The following TTC29 variants were observed in gnomAD, a reference collection of about 807,000 sequenced individuals.
The protein encoded by TTC29 is tetratricopeptide repeat domain 29, also known as tetratricopeptide repeat protein 29.
TTC29 carries 49 observed loss-of-function variants against 58.1 expected under a neutral mutation model. The observed-to-expected ratio is 0.84, with a 90% CI of 0.67 to 1.07. The LOEUF (loss-of-function observed/expected upper bound fraction) is 1.07, where lower values mean the gene tolerates loss of function less well. Ranked by LOEUF, TTC29 falls within the 50% of genes least tolerant of loss-of-function variation. The pLI, the probability that TTC29 is intolerant of heterozygous loss-of-function variation, is 0.00. For missense variants in TTC29, 582 were observed against 555.6 expected (o/e 1.05, Z -0.48); for synonymous variants, 209 against 196.8 (o/e 1.06, Z -0.52).
chr4:146,820,141 T>A lies in TTC29; in HGVS notation c.1085A>T (p.Asp362Val), dbSNP rs545235241. The change falls in exon 10 of 13, where the codon GAC becomes GTC. Residue 362 changes from aspartate to valine, a missense_variant. Coordinates refer to ENST00000325106, the MANE Select transcript of TTC29 (RefSeq NM_031956.4). Reference protein sequence around the residue: ...DLVRASTMLGDIYNEKGYYNK... With the variant: ...DLVRASTMLGVIYNEKGYYNK... ...TAGACTCACTTTTTCATTGTAGATG[T>A]CCCCAAGCATTGTACTTGCTCTCAC... 4 of 1,613,048 alleles carry A rather than the reference T, an allele frequency of 2.5e-6. No homozygotes were observed. Among genetic ancestry groups the A allele is most frequent in the East Asian group, 2.2e-5 (1 of 44,860 alleles).
intron 11 of TTC29, among the ~76,000 whole-genome samples, chr4:146,771,963 T>C (rs1358931460): frequency 1.3e-5 from 2 of 152,234 alleles, no homozygotes; most frequent in Non-Finnish European, 2.9e-5. Flanking sequence ...TGTGAGATGG[T>C]ATCTCATTGT....
intron 4 of TTC29, among the ~76,000 whole-genome samples, chr4:146,932,508 G>T (rs1267324797): frequency 6.6e-6 from 1 of 152,132 alleles, no homozygotes; most frequent in Non-Finnish European, 1.5e-5. Context: ...AAAGAATTAT[G>T]AAATATTGTA....
At chr4:146,809,803 T>C (rs1405609361) in intron 10 of TTC29, among the ~76,000 whole-genome samples, 2 of 149,932 alleles carry the variant, frequency 1.3e-5, no homozygotes, top group African/African-American at 4.9e-5. Flanking sequence ...GAAACGTTTT[T>C]ATCCGTTGGT....
chr4:146,897,041 C>T (rs1244579555), intron 6 of TTC29, among the ~76,000 whole-genome samples: 2 of 152,098 alleles, frequency 1.3e-5, no homozygotes, highest in South Asian at 2.1e-4. Context: ...TAGGAGGATG[C>T]TCTTTAGTCC....
intron 11 of TTC29, among the ~76,000 whole-genome samples, chr4:146,757,213 TG>T (rs1201529725): frequency 6.6e-6 from 1 of 151,996 alleles, no homozygotes. Flanking sequence ...TTTTTTTTTT[TG>T]TCCCAGGGGG....
intron 7 of TTC29, among the ~76,000 whole-genome samples, chr4:146,868,120 G>A (rs1730684472): frequency 6.6e-6 from 1 of 152,040 alleles, no homozygotes; most frequent in South Asian, 2.1e-4. Flanking sequence ...TTTTGATTAT[G>A]TTCTGTTTAA....
At position 146,815,336 on chromosome 4, in the gene TTC29, G is replaced by A. The variant is rs1056101844; in HGVS notation, c.1101+4789C>T. ...CTTTTGGATTGAATATGGAGCCGGG[G>A]GAGAGGAGAATTGAAGGATTTTCAG... On this transcript the variant is annotated intron_variant, in intron 10 of 12. Coordinates refer to ENST00000325106, the MANE Select transcript of TTC29 (RefSeq NM_031956.4). 9.2e-5 allele frequency among the ~76,000 whole-genome samples: 14 copies of A among 152,308 alleles called. 1 individual carries two copies. The highest frequency in any genetic ancestry group is 1.9e-4 in the Non-Finnish European group (13 of 68,024).
chr4:146,730,635 G>A (rs145146431), intron 11 of TTC29, among the ~76,000 whole-genome samples: 7 of 152,314 alleles, frequency 4.6e-5, no homozygotes, highest in African/African-American at 1.4e-4. Context: ...AGCCAGTATG[G>A]TATCCTGTAA....
intron 11 of TTC29, among the ~76,000 whole-genome samples, chr4:146,725,076 C>T (rs1478568789): frequency 6.6e-6 from 1 of 152,120 alleles, no homozygotes; most frequent in Non-Finnish European, 1.5e-5. Context: ...AAATAATCTG[C>T]CTCCTTCAAA....
At chr4:146,832,110 A>G (rs1475006926) in intron 9 of TTC29, among the ~76,000 whole-genome samples, 1 of 152,156 alleles carries the variant, frequency 6.6e-6, no homozygotes, top group Non-Finnish European at 1.5e-5. Flanking sequence ...TTTTGTAAAA[A>G]TTATTTTATA....
At chr4:146,792,511 A>C (rs1379678342) in intron 11 of TTC29, among the ~76,000 whole-genome samples, 1 of 152,150 alleles carries the variant, frequency 6.6e-6, no homozygotes, top group Non-Finnish European at 1.5e-5. Context: ...GATTGCTCTG[A>C]TAGAAATGTA....
chr4:146,940,007 C>A (rs1736224479), intron 2 of TTC29, 106 bp from the exon 3 acceptor site: 2 of 1,107,010 alleles, frequency 1.8e-6, no homozygotes, highest in South Asian at 1.7e-5. Context: ...GTTGAGAATG[C>A]CTATGTGTAG....
At chr4:146,935,682 C>T (rs1735752240) in intron 4 of TTC29, among the ~76,000 whole-genome samples, 1 of 152,282 alleles carries the variant, frequency 6.6e-6, no homozygotes, top group Non-Finnish European at 1.5e-5. Context: ...CTTATTGTCT[C>T]AAATAGATGT....
At chr4:146,769,939 A>C (rs145611646) in intron 11 of TTC29, among the ~76,000 whole-genome samples, 2 of 152,152 alleles carry the variant, frequency 1.3e-5, no homozygotes, top group East Asian at 3.9e-4. Context: ...AACTCCCCTT[A>C]AGTAGGCAGG....
At chr4:146,781,582 T>C (rs1294215193) in intron 11 of TTC29, among the ~76,000 whole-genome samples, 1 of 151,980 alleles carries the variant, frequency 6.6e-6, no homozygotes, top group Admixed American at 6.6e-5. Flanking sequence ...AAATGTATTA[T>C]GAAATATTTA....
chr4:146,806,742 T>C (rs549963948), intron 10 of TTC29, among the ~76,000 whole-genome samples: 3 of 152,252 alleles, frequency 2.0e-5, no homozygotes, highest in African/African-American at 7.2e-5. Flanking sequence ...ATAAGGCAAG[T>C]TCTTAGAGAC....
intron 4 of TTC29, among the ~76,000 whole-genome samples, chr4:146,916,104 G>A (rs559282173): frequency 6.6e-6 from 1 of 151,814 alleles, no homozygotes; most frequent in African/African-American, 2.4e-5. Flanking sequence ...AATAGCTTCA[G>A]TTAATATAAT....
intron 11 of TTC29, among the ~76,000 whole-genome samples, chr4:146,710,140 T>G (rs1408469978): frequency 1.3e-5 from 2 of 152,120 alleles, no homozygotes; most frequent in Non-Finnish European, 2.9e-5. Flanking sequence ...TTCTAAGAAA[T>G]GAGTCATTAG....
intron 6 of TTC29, among the ~76,000 whole-genome samples, chr4:146,883,836 T>C (rs1731799290): frequency 6.6e-6 from 1 of 151,714 alleles, no homozygotes; most frequent in African/African-American, 2.4e-5. Context: ...AGCAGCAATG[T>C]CAGTATCACA....
Sources: gnomAD v4.1 joint callset for allele counts (sites outside exome capture counted in the v4.1 genomes callset) on GRCh38, gnomAD v4.1.1 for gene constraint, MANE v1.5 for transcripts, NCBI Gene and HGNC (gene_info 2026-07-23, HGNC 2026-07-21) for gene names.